ZNF423: variants seen among roughly 807,000 people sequenced by gnomAD.
ZNF423 encodes zinc finger protein 423, also known as Ebf-associated zinc finger protein.
In ZNF423, 12 loss-of-function variants were observed where a neutral mutation model predicts 95.8. That is an observed-to-expected ratio of 0.13 (90% CI 0.08 to 0.20). ZNF423 has a LOEUF of 0.20. Among genes scored for constraint, ZNF423 ranks in the 10% least tolerant of loss-of-function variants. The pLI is 1.00. For synonymous variants in ZNF423, 749 were observed against 711.9 expected, an observed-to-expected ratio of 1.05 and a Z score of -0.83; for missense variants, 1,316 against 1,737.1, an observed-to-expected ratio of 0.76 and a Z score of 4.31.
intron 5 of ZNF423, among the ~76,000 whole-genome samples, chr16:49,614,971 TA>T (rs1971827920): frequency 6.6e-6 from 1 of 151,924 alleles, no homozygotes; most frequent in South Asian, 2.1e-4. Flanking sequence ...TCTCTACTAA[TA>T]AAACAAAAAC....
At chr16:49,621,961 C>T (rs1972098096) in intron 5 of ZNF423, among the ~76,000 whole-genome samples, 1 of 152,192 alleles carries the variant, frequency 6.6e-6, no homozygotes, top group South Asian at 2.1e-4. Flanking sequence ...TCCTTCTCAA[C>T]ACCGCAGCCA....
chr16:49,699,082 C>T (rs1294072403), intron 3 of ZNF423, among the ~76,000 whole-genome samples: 1 of 152,158 alleles, frequency 6.6e-6, no homozygotes, highest in Non-Finnish European at 1.5e-5. Context: ...AGTATCCAGC[C>T]GAAAACACAA....
At chr16:49,633,240 C>T (rs928863155) in intron 4 of ZNF423, among the ~76,000 whole-genome samples, 85 of 152,226 alleles carry the variant, frequency 5.6e-4, no homozygotes, top group African/African-American at 1.9e-3. Flanking sequence ...ATAGAAAGTG[C>T]TTGGCAAGTC....
rs541420952 is a variant in ZNF423, at chr16:49,599,468, TAAGGAACCTGCAG to T, written c.3601+26689_3601+26701del. Among the ~76,000 whole-genome samples the T allele has an allele frequency of 6.2e-4, 95 of 152,238 alleles. No individual in the cohort carries two copies. In the Middle Eastern group the frequency reaches 0.02, roughly 33 times the overall value. On this transcript the variant is annotated intron_variant, in intron 5 of 7. Coordinates refer to ENST00000563137, the MANE Select transcript of ZNF423 (RefSeq NM_001379286.1). Reference sequence around the variant, plus strand: ...TGTATAAACCAAGACTCAGAGAGGTTAAGGAACCTGCAGAAGGTCACACAGCAAGTGAGTGGCA... The same window carrying T: ...TGTATAAACCAAGACTCAGAGAGGTTAAGGTCACACAGCAAGTGAGTGGCA...
chr16:49,638,062 C>G lies in ZNF423; in HGVS notation c.1114G>C (p.Val372Leu). Residue 372 changes from valine to leucine, a missense_variant, in exon 4 of 8, where the codon GTG (valine) becomes CTG (leucine). Physicochemically the swap from Val to Leu is conservative, Grantham distance 32 (BLOSUM62 1). Around this residue, in one of 6 missense-constraint regions of ZNF423, gnomAD observed 399 missense variants for 478.5 expected, o/e 0.83. Coordinates refer to ENST00000563137, the MANE Select transcript of ZNF423 (RefSeq NM_001379286.1). This position sits in a 1 kb window ranked among gnomAD's most constrained non-coding sequence, Gnocchi z 5.6. ...GGTGTGGCGCTGCTCATGGAGGCCA[C>G]GCTGCCCAGTACAGGGTCGGGACTG... ...SVSPDPVLGS[V>L]ASMSSATPDS... The G allele has an allele frequency of 6.2e-7, 1 of 1,613,864 alleles. No individual in the cohort carries two copies. The highest frequency in any genetic ancestry group is 8.5e-7 in the Non-Finnish European group (1 of 1,179,968).
chr16:49,846,076 C>T (rs1376026314), intron 1 of ZNF423, among the ~76,000 whole-genome samples: 1 of 152,016 alleles, frequency 6.6e-6, no homozygotes, highest in East Asian at 1.9e-4. Flanking sequence ...CCGAGGCAGG[C>T]GGATTACCTG....
At chr16:49,620,664 A>G (rs1972043700) in intron 5 of ZNF423, among the ~76,000 whole-genome samples, 1 of 152,082 alleles carries the variant, frequency 6.6e-6, no homozygotes, top group Admixed American at 6.5e-5. Context: ...GGCTCCCCCA[A>G]GGGGCCCGTG....
chr16:49,792,757 T>G (rs1025246861), intron 1 of ZNF423, among the ~76,000 whole-genome samples: 2 of 152,040 alleles, frequency 1.3e-5, no homozygotes, highest in African/African-American at 4.8e-5. Flanking sequence ...AAACAGAATA[T>G]GGGCTAGAGG....
At chr16:49,675,106 T>C (rs899081117) in intron 3 of ZNF423, among the ~76,000 whole-genome samples, 9 of 152,126 alleles carry the variant, frequency 5.9e-5, no homozygotes, top group Non-Finnish European at 1.3e-4. Flanking sequence ...GTTGGAAAGA[T>C]AACACTGGAA....
intron 2 of ZNF423, among the ~76,000 whole-genome samples, chr16:49,785,667 G>A (rs4785353): frequency 6.6e-6 from 1 of 152,210 alleles, no homozygotes; most frequent in African/African-American, 2.4e-5. Context: ...TCATGGCCCA[G>A]CCAGCAGGAG....
In ZNF423 at chr16:49,491,282, G is replaced by A. The variant is rs774591168; in HGVS notation, c.3872C>T (p.Ala1291Val). The A allele has an allele frequency of 1.9e-5, 30 of 1,613,980 alleles. No individual in the cohort carries two copies. In the East Asian group the frequency reaches 3.6e-4, roughly 19 times the overall value. Residue 1291 changes from alanine (A) to valine (V), a missense_variant, in exon 8 of 8, where the codon GCA becomes GTA. Ala to Val is a moderately conservative substitution (Grantham distance 64). Coordinates refer to ENST00000563137, the MANE Select transcript of ZNF423 (RefSeq NM_001379286.1). ...ELQNHTMSQHAQ is the reference protein window; with the variant it reads ...ELQNHTMSQHVQ ...GTCCTGTTGAGCGATCCCTCACTGT[G>A]CGTGCTGGCTCATCGTGTGGTTCTG...
chr16:49,836,048 G>A lies in ZNF423; in HGVS notation c.40+19687C>T, dbSNP rs551452701. ...CACCTACCCCGACAACCACAGCTAA[G>A]ATTCCTAGCTGAGCCAACTGGACTC... On this transcript the variant is annotated intron_variant, in intron 1 of 7. Transcript: ENST00000563137. Among the ~76,000 whole-genome samples the A allele has an allele frequency of 1.1e-4, 16 of 151,592 alleles. No individual in the cohort carries two copies. The South Asian group carries it at 3.3e-3, about 31-fold the overall frequency.
chr16:49,775,924 C>T (rs111312984), intron 2 of ZNF423, among the ~76,000 whole-genome samples: 30 of 152,358 alleles, frequency 2.0e-4, no homozygotes, highest in Admixed American at 5.9e-4. Context: ...CAGTGTAACC[C>T]TAACCCTGAT....
intron 2 of ZNF423, among the ~76,000 whole-genome samples, chr16:49,768,240 C>T (rs2033965362): frequency 1.3e-5 from 2 of 152,196 alleles, no homozygotes; most frequent in South Asian, 4.1e-4. Flanking sequence ...GAGCCGGGAA[C>T]GGGGGCGCGG....
chr16:49,625,887 G>A (rs1238127717), intron 5 of ZNF423, among the ~76,000 whole-genome samples: 1 of 152,206 alleles, frequency 6.6e-6, no homozygotes, highest in African/African-American at 2.4e-5. Context: ...CTGAGTGCTT[G>A]ACAATTGGAA....
chr16:49,749,464 A>T (rs890908479), intron 2 of ZNF423, among the ~76,000 whole-genome samples: 3 of 152,390 alleles, frequency 2.0e-5, no homozygotes, highest in Non-Finnish European at 4.4e-5. Context: ...GATGTCAAAG[A>T]TACAAGCCAT....
intron 5 of ZNF423, among the ~76,000 whole-genome samples, chr16:49,579,795 A>AC (rs1405586512): frequency 6.6e-6 from 1 of 152,056 alleles, no homozygotes; most frequent in African/African-American, 2.4e-5. Flanking sequence ...CTGCGAGATG[A>AC]CCTCTCCCAT....
At chr16:49,827,982 T>A (rs1007908454) in intron 1 of ZNF423, among the ~76,000 whole-genome samples, 5 of 152,208 alleles carry the variant, frequency 3.3e-5, no homozygotes, top group African/African-American at 1.2e-4. Context: ...TTAGTGACCC[T>A]AGTATGAACT....
chr16:49,546,233 A>T (rs1969432971), intron 5 of ZNF423, among the ~76,000 whole-genome samples: 1 of 143,012 alleles, frequency 7.0e-6, no homozygotes, highest in Non-Finnish European at 1.6e-5. Flanking sequence ...ACAAACAAAC[A>T]AAAGTTAACA....
Sources: allele counts gnomAD v4.1 joint callset (sites outside exome capture counted in the v4.1 genomes callset), GRCh38; gene constraint gnomAD v4.1.1; regional missense constraint gnomAD v4.1.1; non-coding constraint Gnocchi (gnomAD v3.1); transcripts MANE v1.5; gene names NCBI Gene and HGNC (gene_info 2026-07-23, HGNC 2026-07-21).